The following DLGAP2 variants were observed in gnomAD, a reference collection of about 807,000 sequenced individuals.
The protein encoded by DLGAP2 is DLG associated protein 2.
Under a neutral mutation model 100.3 loss-of-function variants are expected in DLGAP2, and 26 were observed. The observed-to-expected ratio is 0.26, with a 90% CI of 0.19 to 0.36. The LOEUF (loss-of-function observed/expected upper bound fraction) is 0.36, where lower values mean the gene tolerates loss of function less well. Among genes scored for constraint, DLGAP2 ranks in the 10% least tolerant of loss-of-function variants. DLGAP2 has a pLI of 1.00. For missense variants in DLGAP2, 1,858 were observed against 1,453.2 expected (o/e 1.28, Z -4.53); for synonymous variants, 886 against 630.1 (o/e 1.41, Z -6.08).
At chr8:1,447,858 T>A (rs910030761) in intron 3 of DLGAP2, among the ~76,000 whole-genome samples, 1 of 152,258 alleles carries the variant, frequency 6.6e-6, no homozygotes, top group Non-Finnish European at 1.5e-5. Flanking sequence ...TTCTAGATTT[T>A]CTAGTTTATA....
rs187726841 is a variant in DLGAP2, at chr8:1,422,322, A to G, written c.107-79044A>G. ...TCACAATAGGGAAGAAGTGCATTCC[A>G]GCAATTAATTATGTACCTGTGAAAT... On this transcript the variant is annotated intron_variant, in intron 3 of 14. Coordinates refer to ENST00000637795, the MANE Select transcript of DLGAP2 (RefSeq NM_001346810.2). 1.4e-4 allele frequency among the ~76,000 whole-genome samples: 22 copies of G among 152,296 alleles called. 1 individual carries two copies. Among genetic ancestry groups the G allele is most frequent in the Non-Finnish European group, 2.5e-4 (17 of 68,030 alleles).
chr8:962,563 A>G (rs1378012197), intron 2 of DLGAP2, among the ~76,000 whole-genome samples: 2 of 152,234 alleles, frequency 1.3e-5, no homozygotes, highest in East Asian at 3.9e-4. Context: ...CTGTGCTCCC[A>G]GAGACTCCTT....
At chr8:1,314,040 G>A (rs948699242) in intron 3 of DLGAP2, among the ~76,000 whole-genome samples, 18 of 152,104 alleles carry the variant, frequency 1.2e-4, no homozygotes, top group African/African-American at 2.9e-4. Context: ...TTTAGAATTC[G>A]TAGCAACACA....
At chr8:1,672,842 C>T (rs1385735954) in intron 10 of DLGAP2, among the ~76,000 whole-genome samples, 1 of 152,242 alleles carries the variant, frequency 6.6e-6, no homozygotes, top group Non-Finnish European at 1.5e-5. Flanking sequence ...TTCAGGGCAC[C>T]TGCCCTGCTA....
intron 3 of DLGAP2, 30 bp downstream of exon 3, chr8:1,258,913 G>T: frequency 8.1e-7 from 1 of 1,231,736 alleles, no homozygotes; most frequent in Non-Finnish European, 1.0e-6. Context: ...CCTGGGGTGG[G>T]CGGGGGCCGC....
At chr8:1,254,592 T>C (rs1453186843) in intron 2 of DLGAP2, among the ~76,000 whole-genome samples, 1 of 152,176 alleles carries the variant, frequency 6.6e-6, no homozygotes, top group African/African-American at 2.4e-5. Context: ...TAAGACGGCT[T>C]CTCGCATCTG....
At position 1,702,621 on chromosome 8, in the gene DLGAP2, A is replaced by G. The variant is rs1799605493; in HGVS notation, c.*1215A>G. ...TTGTGATTTCCAGCTGTAGCATTCA[A>G]AAAAAAAATTGGTGTTCATGACTCT... On this transcript the variant is annotated 3_prime_UTR_variant, in exon 15 of 15. Coordinates refer to ENST00000637795, the MANE Select transcript of DLGAP2 (RefSeq NM_001346810.2). 6.6e-6 allele frequency: 1 copy of G among 152,108 alleles called. No individual in the cohort carries two copies. Among genetic ancestry groups the G allele is most frequent in the Non-Finnish European group, 1.5e-5 (1 of 67,910 alleles). 9.4% of individuals were successfully genotyped at this position (152,108 alleles called of 1,614,324 possible). A position where few individuals can be genotyped will look rare whatever the true frequency, so the allele number is the denominator to read the frequency against.
chr8:1,188,550 G>GTTTCCCTCACGGAATCTCACACA (rs1797565870), intron 2 of DLGAP2, among the ~76,000 whole-genome samples: 3 of 147,140 alleles, frequency 2.0e-5, no homozygotes, highest in African/African-American at 7.8e-5. Flanking sequence ...AATCTCAGAC[G>GTTTCCCTCACGGAATCTCACACA]CCCGGGATCT....
intron 4 of DLGAP2, among the ~76,000 whole-genome samples, chr8:1,519,286 A>T (rs187639819): frequency 3.4e-4 from 50 of 147,070 alleles, no homozygotes; most frequent in African/African-American, 1.2e-3. Flanking sequence ...ACCAAAAAGC[A>T]TAGAACCCTT....
chr8:1,698,949 A>G (rs74519721), intron 14 of DLGAP2, among the ~76,000 whole-genome samples: 1 of 148,890 alleles, frequency 6.7e-6, no homozygotes, highest in Admixed American at 6.6e-5. Flanking sequence ...TAAGCCATGC[A>G]TGGGACAGGT....
In DLGAP2 at chr8:1,464,712, C is replaced by G. The variant is rs566627002; in HGVS notation, c.107-36654C>G. Among the ~76,000 whole-genome samples the G allele has an allele frequency of 2.2e-4, 33 of 152,332 alleles. No homozygotes were observed. The South Asian group carries it at 6.8e-3, about 32-fold the overall frequency. ...GACACGTCCCTCACCTTTCATTCTCCATGCTGAAAGTGACCTTGGGGGCCA... is the reference window on the plus strand; with the variant it reads ...GACACGTCCCTCACCTTTCATTCTCGATGCTGAAAGTGACCTTGGGGGCCA... On this transcript the variant is annotated intron_variant, in intron 3 of 14. Transcript: ENST00000637795.
At chr8:773,080 T>G (rs1186425343) in intron 1 of DLGAP2, among the ~76,000 whole-genome samples, 1 of 152,224 alleles carries the variant, frequency 6.6e-6, no homozygotes, top group Non-Finnish European at 1.5e-5. Flanking sequence ...GCTGCTTGGC[T>G]GCTGTAACCA....
chr8:1,274,524 G>A (rs28535229), intron 3 of DLGAP2, among the ~76,000 whole-genome samples: 2 of 121,020 alleles, frequency 1.7e-5, no homozygotes, highest in Admixed American at 8.9e-5. Context: ...AACATAAACC[G>A]TAAAATGAGT....
chr8:905,931 G>A (rs1798370613), intron 1 of DLGAP2, among the ~76,000 whole-genome samples: 1 of 152,200 alleles, frequency 6.6e-6, no homozygotes, highest in Non-Finnish European at 1.5e-5. Context: ...GGGCAGCGAT[G>A]GTGATAGAGT....
intron 1 of DLGAP2, among the ~76,000 whole-genome samples, chr8:810,770 G>C (rs1796355716): frequency 6.6e-6 from 1 of 152,190 alleles, no homozygotes. Context: ...TCCTGTGGCT[G>C]TTTTCCCACT....
rs980713190 is a variant in DLGAP2 at position 1,702,450 on chromosome 8, G to T, written c.*1044G>T. On this transcript the variant is annotated 3_prime_UTR_variant, in exon 15 of 15. Coordinates refer to ENST00000637795, the MANE Select transcript of DLGAP2 (RefSeq NM_001346810.2). The stretch of plus-strand genomic sequence containing the variant: ...AGTTTAAGAAATATGAATGTGAGTG[G>T]TAAGTATATCTCAGTTTAAATGGTA... 1 of 152,524 alleles carries T rather than the reference G, an allele frequency of 6.6e-6. No individual in the cohort carries two copies. The highest frequency in any genetic ancestry group is 1.5e-5 in the Non-Finnish European group (1 of 68,034). The allele number at this position is 152,524 out of a possible 1,614,324, so 9.4% of individuals were successfully genotyped here. A position where few individuals can be genotyped will look rare whatever the true frequency, so the allele number is the denominator to read the frequency against.
intron 8 of DLGAP2, among the ~76,000 whole-genome samples, chr8:1,661,486 A>G (rs1371782977): frequency 6.6e-6 from 1 of 152,238 alleles, no homozygotes; most frequent in Non-Finnish European, 1.5e-5. Context: ...GCTGCAGGAA[A>G]GGACATGGGA....
intron 2 of DLGAP2, among the ~76,000 whole-genome samples, chr8:1,182,882 G>A (rs74740724): frequency 0.034 from 5,125 of 152,288 alleles, 120 homozygotes; most frequent in East Asian, 0.15. Context: ...GTGAGGTGGA[G>A]CGGGGCTCAG....
chr8:1,484,431 A>G (rs1427701609), intron 3 of DLGAP2, among the ~76,000 whole-genome samples: 1 of 152,260 alleles, frequency 6.6e-6, no homozygotes, highest in Non-Finnish European at 1.5e-5. Flanking sequence ...GGGAAATTGG[A>G]AACCTTCTGG....
Sources: allele counts gnomAD v4.1 joint callset (sites outside exome capture counted in the v4.1 genomes callset), GRCh38; gene constraint gnomAD v4.1.1; transcripts MANE v1.5; gene names NCBI Gene and HGNC (gene_info 2026-07-23, HGNC 2026-07-21).